The following CPQ variants were observed in gnomAD, a reference collection of about 807,000 sequenced individuals.
CPQ encodes the protein carboxypeptidase Q, also known as Ser-Met dipeptidase.
A neutral mutation model predicts 45.7 loss-of-function variants in CPQ; 37 were observed. The observed-to-expected ratio is 0.81, with a 90% confidence interval of 0.62 to 1.07. The LOEUF (loss-of-function observed/expected upper bound fraction) is 1.07. CPQ is among the 50% of genes least tolerant of loss of function. CPQ has a pLI of 0.00. For missense variants in CPQ, 537 were observed against 572.9 expected (o/e 0.94, Z 0.64); for synonymous variants, 186 against 205.8 (o/e 0.90, Z 0.82).
At chr8:97,090,069 C>G (rs1156235805) in intron 7 of CPQ, among the ~76,000 whole-genome samples, 1 of 152,106 alleles carries the variant, frequency 6.6e-6, no homozygotes, top group African/African-American at 2.4e-5. Flanking sequence ...CAGTGTTTTC[C>G]CAGGTATACT....
At chr8:96,825,180 A>G (rs997969980) in intron 2 of CPQ, among the ~76,000 whole-genome samples, 2 of 152,142 alleles carry the variant, frequency 1.3e-5, no homozygotes, top group African/African-American at 2.4e-5. Context: ...ATGAGTGGGC[A>G]TATAACTCAT....
chr8:97,105,194 AT>A (rs1343730344), intron 7 of CPQ, among the ~76,000 whole-genome samples: 4 of 152,132 alleles, frequency 2.6e-5, no homozygotes, highest in Non-Finnish European at 5.9e-5. Context: ...AAGTTTGGGG[AT>A]TTTTTTAGAT....
At chr8:96,747,435 TGCTGTAACCTGA>T (rs1810202601) in intron 1 of CPQ, among the ~76,000 whole-genome samples, 1 of 152,120 alleles carries the variant, frequency 6.6e-6, no homozygotes, top group African/African-American at 2.4e-5. Context: ...GAGGTGAGTG[TGCTGTAACCTGA>T]GCACGTGAGA....
At chr8:96,797,137 A>G (rs529988802) in intron 2 of CPQ, among the ~76,000 whole-genome samples, 1 of 152,314 alleles carries the variant, frequency 6.6e-6, no homozygotes, top group East Asian at 1.9e-4. Flanking sequence ...GATTTTCACA[A>G]TGGTGCTTGT....
intron 4 of CPQ, among the ~76,000 whole-genome samples, chr8:96,946,724 A>T (rs1468665485): frequency 2.0e-5 from 3 of 151,774 alleles, no homozygotes; most frequent in Admixed American, 2.0e-4. Context: ...ACGCCACTTA[A>T]TCTAACTTGT....
At chr8:96,982,192 C>A (rs1246299871) in intron 5 of CPQ, among the ~76,000 whole-genome samples, 2 of 152,104 alleles carry the variant, frequency 1.3e-5, no homozygotes, top group Admixed American at 6.5e-5. Flanking sequence ...GGAAGAACTT[C>A]AATAATGTCC....
intron 1 of CPQ, among the ~76,000 whole-genome samples, chr8:96,781,908 C>A (rs187748462): frequency 6.6e-6 from 1 of 152,176 alleles, no homozygotes; most frequent in Non-Finnish European, 1.5e-5. Context: ...ATGGGGACAA[C>A]AACAGTAAAT....
intron 4 of CPQ, among the ~76,000 whole-genome samples, chr8:96,956,584 T>C (rs1009045641): frequency 6.6e-6 from 1 of 152,170 alleles, no homozygotes; most frequent in East Asian, 1.9e-4. Context: ...ATATACATAA[T>C]ACATATATTC....
At chr8:96,668,716 ACT>A (rs1179266576) in intron 1 of CPQ, among the ~76,000 whole-genome samples, 2 of 152,098 alleles carry the variant, frequency 1.3e-5, no homozygotes, top group Admixed American at 1.3e-4. Flanking sequence ...ATATAAGAAG[ACT>A]CTGAAAGGTG....
rs1812678153 is a variant in CPQ at position 96,912,502 on chromosome 8, G to A, written c.849+32497G>A. ...TAATGATTAAAATGCTTATTAAAGAGCACATTAAAAGATAAGGCTATTTTG... is the reference window on the plus strand; with the variant it reads ...TAATGATTAAAATGCTTATTAAAGAACACATTAAAAGATAAGGCTATTTTG... On this transcript the variant is annotated intron_variant, in intron 4 of 7. Transcript: ENST00000220763. Among the ~76,000 whole-genome samples the A allele has an allele frequency of 2.0e-5, 3 of 152,224 alleles. 1 individual carries two copies. In the South Asian group the frequency reaches 6.2e-4, roughly 32 times the overall value.
At chr8:96,811,366 A>T (rs990055467) in intron 2 of CPQ, among the ~76,000 whole-genome samples, 3 of 152,190 alleles carry the variant, frequency 2.0e-5, no homozygotes, top group Non-Finnish European at 4.4e-5. Context: ...TCCGTTCATC[A>T]TTATTTTTAG....
intron 4 of CPQ, among the ~76,000 whole-genome samples, chr8:96,958,991 C>T (rs1385482456): frequency 6.6e-6 from 1 of 151,702 alleles, no homozygotes; most frequent in Admixed American, 6.6e-5. Context: ...TCTGAACACA[C>T]CCTGTATGTC....
chr8:96,711,638 G>A (rs1404312176), intron 1 of CPQ, among the ~76,000 whole-genome samples: 1 of 152,104 alleles, frequency 6.6e-6, no homozygotes, highest in African/African-American at 2.4e-5. Flanking sequence ...AAAACCATCA[G>A]ATCTGGTAAG....
At chr8:96,753,422 A>G (rs754222095) in intron 1 of CPQ, among the ~76,000 whole-genome samples, 1 of 152,142 alleles carries the variant, frequency 6.6e-6, no homozygotes, top group Non-Finnish European at 1.5e-5. Flanking sequence ...CATTATATCA[A>G]AAATATAAAT....
At chr8:96,730,592 TA>T (rs1349731660) in intron 1 of CPQ, among the ~76,000 whole-genome samples, 4 of 152,018 alleles carry the variant, frequency 2.6e-5, no homozygotes, top group African/African-American at 9.7e-5. Context: ...TCAGTGGGCC[TA>T]TAAAATCTTT....
chr8:96,725,773 A>T (rs1278578938), intron 1 of CPQ, among the ~76,000 whole-genome samples: 1 of 152,232 alleles, frequency 6.6e-6, no homozygotes, highest in Non-Finnish European at 1.5e-5. Flanking sequence ...ACCAAAAAAG[A>T]CACATGCACT....
intron 5 of CPQ, among the ~76,000 whole-genome samples, chr8:97,006,312 C>G (rs1354931405): frequency 6.6e-6 from 1 of 151,966 alleles, no homozygotes; most frequent in Admixed American, 6.6e-5. Flanking sequence ...AGTCTCTTCC[C>G]GTGTCTATGT....
chr8:96,795,926 G>A (rs1359436575), intron 2 of CPQ, among the ~76,000 whole-genome samples: 8 of 151,922 alleles, frequency 5.3e-5, no homozygotes, highest in Admixed American at 5.2e-4. Flanking sequence ...CTTAGAAGCT[G>A]TTTTATTTTT....
chr8:96,892,471 A>G (rs1041296042), intron 4 of CPQ, among the ~76,000 whole-genome samples: 10 of 152,308 alleles, frequency 6.6e-5, no homozygotes, highest in Non-Finnish European at 1.0e-4. Flanking sequence ...TTTCATGAAC[A>G]TATTGGTTGG....
Sources: gnomAD v4.1 joint callset for allele counts (sites outside exome capture counted in the v4.1 genomes callset) on GRCh38, gnomAD v4.1.1 for gene constraint, MANE v1.5 for transcripts, NCBI Gene and HGNC (gene_info 2026-07-23, HGNC 2026-07-21) for gene names.